C11orf65: variants seen among roughly 807,000 people sequenced by gnomAD.
C11orf65 encodes chromosome 11 open reading frame 65, also known as protein MFI.
C11orf65 carries 38 observed loss-of-function variants against 35.3 expected under a neutral mutation model. The observed-to-expected ratio is 1.08, with a 90% CI of 0.83 to 1.41. The LOEUF (loss-of-function observed/expected upper bound fraction) is 1.41, where lower values mean the gene tolerates loss of function less well. Ranked by LOEUF, C11orf65 falls within the 40% of genes most tolerant of loss-of-function variation. The pLI, the probability that C11orf65 is intolerant of heterozygous loss-of-function variation, is 0.00. For synonymous variants in C11orf65, 105 were observed against 114.4 expected (o/e 0.92, Z 0.53); for missense variants, 370 against 367.1 (o/e 1.01, Z -0.06).
At chr11:108,391,743 A>ACCCCCCCCCC (rs2092166576) in intron 7 of C11orf65, among the ~76,000 whole-genome samples, 1 of 138,180 alleles carries the variant, frequency 7.2e-6, no homozygotes, top group Non-Finnish European at 1.6e-5. Flanking sequence ...AGCCACCACC[A>ACCCCCCCCCC]CCCCCTCCCC....
downstream of C11orf65, among the ~76,000 whole-genome samples, chr11:108,379,661 C>A (rs991861662): frequency 6.6e-6 from 1 of 151,304 alleles, no homozygotes; most frequent in Non-Finnish European, 1.5e-5. Context: ...AAAGGAAAAT[C>A]CATAGCTCCT....
chr11:108,464,915 G>A (rs1182009646), intron 1 of C11orf65, among the ~76,000 whole-genome samples: 1 of 151,222 alleles, frequency 6.6e-6, no homozygotes, highest in African/African-American at 2.4e-5. Flanking sequence ...CCTCAAAAAT[G>A]GTGTCTAATT....
At chr11:108,455,827 A>AC (rs1322370860) in intron 2 of C11orf65, among the ~76,000 whole-genome samples, 2 of 146,036 alleles carry the variant, frequency 1.4e-5, no homozygotes, top group Non-Finnish European at 3.0e-5. Context: ...AAAAAAAAAA[A>AC]AAAAAAAAAA....
Position 108,354,884 on chromosome 11 carries a change from T to C in C11orf65, c.227-19592A>G, listed in dbSNP as rs762487236. On this transcript the variant is annotated intron_variant, in intron 2 of 3. Coordinates refer to the C11orf65 transcript ENST00000524755. ...GTTAACCATTGTAGAGGTAAAGTAT[T>C]TTATAAGGAAGACTTTATTTTTTTT... The C allele has an allele frequency of 1.3e-5, 21 of 1,607,378 alleles. No homozygotes were observed. In the Admixed American group the frequency reaches 2.0e-4, roughly 15 times the overall value.
chr11:108,411,337 G>T (rs1324201265), intron 3 of C11orf65, among the ~76,000 whole-genome samples: 1 of 152,080 alleles, frequency 6.6e-6, no homozygotes, highest in Non-Finnish European at 1.5e-5. Flanking sequence ...AACATTCTCT[G>T]TGATTTCAAA....
chr11:108,368,103 G>A, intron 2 of C11orf65: 1 of 207,718 alleles, frequency 4.8e-6, no homozygotes, highest in Non-Finnish European at 9.8e-6. Flanking sequence ...CTCCTGTTCT[G>A]TTCAAGTATT....
chr11:108,406,852 G>C lies in C11orf65; in HGVS notation c.340C>G (p.His114Asp), dbSNP rs148548558. The change falls in exon 5 of 9, where the codon CAT becomes GAT. Residue 114 changes from histidine to aspartate, a missense_variant. Physicochemically the swap from His to Asp is moderately conservative, Grantham distance 81. Transcript: ENST00000393084. ...YAKLPAKHTS[H>D]NKNDHLQEED... ...TCCTGAAGATGATCATTTTTATTAT[G>C]AGATGTATGCTTTGCTGGAAGTTTT... is the stretch of plus-strand genomic sequence containing the variant. The C allele has an allele frequency of 6.2e-7, 1 of 1,612,692 alleles. No homozygotes were observed. Among genetic ancestry groups the C allele is most frequent in the African/African-American group, 1.3e-5 (1 of 74,864 alleles).
chr11:108,336,033 A>C lies in C11orf65; in HGVS notation c.227-741T>G, dbSNP rs893209050. 1.1e-5 allele frequency: 13 copies of C among 1,169,512 alleles called. No homozygotes were observed. The highest frequency in any genetic ancestry group is 1.1e-4 in the African/African-American group (7 of 65,982). 72.4% of individuals were successfully genotyped at this position (1,169,512 alleles called of 1,614,324 possible). A position where few individuals can be genotyped will look rare whatever the true frequency, so the allele number is the denominator to read the frequency against. ...GCCATTTGGTTGGGTGAAGTGGCTCATGCCCATATTCATAATGCTTTGGGA... is the reference window on the plus strand; with the variant it reads ...GCCATTTGGTTGGGTGAAGTGGCTCCTGCCCATATTCATAATGCTTTGGGA... On this transcript the variant is annotated intron_variant, in intron 2 of 3. Transcript: ENST00000524755.
At chr11:108,396,485 G>C (rs780722177) in intron 6 of C11orf65, among the ~76,000 whole-genome samples, 1 of 152,058 alleles carries the variant, frequency 6.6e-6, no homozygotes, top group South Asian at 2.1e-4. Context: ...GTTTTCAAGA[G>C]AGTCATAGTA....
intron 2 of C11orf65, among the ~76,000 whole-genome samples, chr11:108,357,355 G>C (rs1429501629): frequency 6.6e-6 from 1 of 152,234 alleles, no homozygotes; most frequent in Non-Finnish European, 1.5e-5. Context: ...CAAGGTGGCA[G>C]CGAGGCTGGG....
At chr11:108,451,317 T>A (rs1565717629) in intron 2 of C11orf65, among the ~76,000 whole-genome samples, 1 of 151,980 alleles carries the variant, frequency 6.6e-6, no homozygotes, top group African/African-American at 2.4e-5. Context: ...AGTCTCAAGA[T>A]ACAAAATCAA....
Position 108,317,362 on chromosome 11 carries a change from C to T in C11orf65, c.641-8291G>A, listed in dbSNP as rs2136161477. The T allele has an allele frequency of 6.2e-7, 1 of 1,607,910 alleles. No individual in the cohort carries two copies. The highest frequency in any genetic ancestry group is 1.7e-4 in the Middle Eastern group (1 of 6,028). ...ATTACTTAACTTAAAAACAAAATAACTCCTGTTTAGGCCTTGCAGAATTTG... is the reference window on the plus strand; with the variant it reads ...ATTACTTAACTTAAAAACAAAATAATTCCTGTTTAGGCCTTGCAGAATTTG... On this transcript the variant is annotated intron_variant, in intron 6 of 6. Coordinates refer to the C11orf65 transcript ENST00000525729.
intron 6 of C11orf65, chr11:108,317,592 CTATGAA>C (rs2084804822): frequency 8.2e-7 from 1 of 1,219,066 alleles, no homozygotes; most frequent in Non-Finnish European, 1.1e-6. Context: ...TTTTTCTCTT[CTATGAA>C]TATAACAGGA....
intron 3 of C11orf65, among the ~76,000 whole-genome samples, chr11:108,431,071 A>C (rs2092982862): frequency 1.3e-5 from 2 of 152,200 alleles, no homozygotes; most frequent in South Asian, 4.1e-4. Context: ...GCTAGTGCAA[A>C]TATAAATTAG....
intron 2 of C11orf65, among the ~76,000 whole-genome samples, chr11:108,356,989 AGC>A (rs1479757795): frequency 2.0e-5 from 3 of 152,204 alleles, no homozygotes; most frequent in Non-Finnish European, 2.9e-5. Flanking sequence ...TCCCAGCGTG[AGC>A]GATGCAGAAG....
At chr11:108,448,121 C>G (rs1327948609) in intron 2 of C11orf65, among the ~76,000 whole-genome samples, 1 of 152,134 alleles carries the variant, frequency 6.6e-6, no homozygotes, top group South Asian at 2.1e-4. Flanking sequence ...ATAACAGGAT[C>G]TGAAATTGTG....
chr11:108,370,832 A>ACT (rs1474283387), intron 2 of C11orf65, among the ~76,000 whole-genome samples: 1 of 152,142 alleles, frequency 6.6e-6, no homozygotes, highest in Non-Finnish European at 1.5e-5. Flanking sequence ...TATAACCTCA[A>ACT]CTGATCCATT....
chr11:108,376,118 G>C (rs2091717839), intron 2 of C11orf65, among the ~76,000 whole-genome samples: 1 of 152,066 alleles, frequency 6.6e-6, no homozygotes, highest in African/African-American at 2.4e-5. Flanking sequence ...ATTGAACTCA[G>C]CTCTGCACCA....
In C11orf65 at chr11:108,361,156, GACAA is replaced by G. The variant is rs1483602761; in HGVS notation, c.227-25868_227-25865del. ...CAAGCATTCTTTTACACCAACAACA[GACAA>G]ACAGAGAGCCAAATCATGAGTGAAC... On this transcript the variant is annotated intron_variant, in intron 2 of 3. Transcript: ENST00000524755. Among the ~76,000 whole-genome samples the G allele has an allele frequency of 7.5e-3, 985 of 131,582 alleles. 7 individuals are homozygous for G. The highest frequency in any genetic ancestry group is 8.4e-3 in the Non-Finnish European group (529 of 63,040). 86.3% of individuals were successfully genotyped at this position (131,582 alleles called of 152,430 possible).
Sources: allele counts gnomAD v4.1 joint callset (sites outside exome capture counted in the v4.1 genomes callset), GRCh38; gene constraint gnomAD v4.1.1; transcripts MANE v1.5; gene names NCBI Gene and HGNC (gene_info 2026-07-23, HGNC 2026-07-21).